Variants in SCN2A observed in about 807,000 individuals in gnomAD.
SCN2A encodes the protein sodium voltage-gated channel alpha subunit 2.
Under a neutral mutation model 188.7 loss-of-function variants are expected in SCN2A, and 20 were observed. The ratio of observed to expected loss-of-function variants is 0.11; its 90% CI spans 0.07 to 0.15. The LOEUF (loss-of-function observed/expected upper bound fraction) is 0.15. Ranked by LOEUF, SCN2A falls within the 10% of genes least tolerant of loss-of-function variation. The probability of loss-of-function intolerance (pLI) is 1.00; values close to 1 mark genes in which losing one functional copy is unlikely to be tolerated. For missense variants in SCN2A, 1,278 were observed against 2,445.0 expected, an observed-to-expected ratio of 0.52 and a Z score of 10.07; for synonymous variants, 804 against 833.1, an observed-to-expected ratio of 0.97 and a Z score of 0.60.
At chr2:165,358,565 A>C (rs1700294570) in intron 17 of SCN2A, among the ~76,000 whole-genome samples, 1 of 152,120 alleles carries the variant, frequency 6.6e-6, no homozygotes, top group Non-Finnish European at 1.5e-5. Flanking sequence ...CTGAAAGAAA[A>C]GGAAATCATG....
intron 14 of SCN2A, among the ~76,000 whole-genome samples, chr2:165,340,690 A>C (rs1699264147): frequency 6.6e-6 from 1 of 152,212 alleles, no homozygotes; most frequent in African/African-American, 2.4e-5. Context: ...CTAGACAGAG[A>C]GAGTTCTGAA....
intron 3 of SCN2A, among the ~76,000 whole-genome samples, chr2:165,307,276 G>A (rs1014251228): frequency 3.9e-5 from 6 of 152,018 alleles, no homozygotes; most frequent in African/African-American, 1.4e-4. Context: ...GAGATTCAGG[G>A]AACTTAATAA....
intron 17 of SCN2A, among the ~76,000 whole-genome samples, chr2:165,359,418 G>T (rs147036112): frequency 1.3e-5 from 2 of 152,094 alleles, no homozygotes; most frequent in African/African-American, 4.8e-5. Flanking sequence ...GATACTTGAG[G>T]CATATTATCC....
At chr2:165,369,786 A>C (rs1700930585) in intron 19 of SCN2A, among the ~76,000 whole-genome samples, 1 of 152,158 alleles carries the variant, frequency 6.6e-6, no homozygotes, top group Admixed American at 6.5e-5. Context: ...TAGAGGATGC[A>C]TTCCATTGAG....
intron 1 of SCN2A, chr2:165,267,199 A>G (rs1223839260): frequency 6.6e-6 from 1 of 152,036 alleles, no homozygotes; most frequent in Non-Finnish European, 1.5e-5. Context: ...AAGCAATCTT[A>G]AGTAAAAATA....
At chr2:165,274,931 G>A (rs1336019542) in intron 1 of SCN2A, among the ~76,000 whole-genome samples, 1 of 152,074 alleles carries the variant, frequency 6.6e-6, no homozygotes, top group Non-Finnish European at 1.5e-5. Flanking sequence ...CTTTATTTCT[G>A]GTATGATTGT....
chr2:165,262,153 T>C (rs1694620881), intron 1 of SCN2A, among the ~76,000 whole-genome samples: 1 of 151,654 alleles, frequency 6.6e-6, no homozygotes, highest in African/African-American at 2.4e-5. Context: ...GGGGCACATG[T>C]GCAGAATGTG....
At chr2:165,302,481 T>C (rs1289448611) in intron 3 of SCN2A, among the ~76,000 whole-genome samples, 1 of 152,208 alleles carries the variant, frequency 6.6e-6, no homozygotes, top group African/African-American at 2.4e-5. Context: ...TTATACATTA[T>C]TACAAAGTCT....
At chr2:165,303,191 CT>C (rs1199301666) in intron 3 of SCN2A, among the ~76,000 whole-genome samples, 1 of 149,552 alleles carries the variant, frequency 6.7e-6, no homozygotes, top group Non-Finnish European at 1.5e-5. Context: ...GGTTTCTATA[CT>C]TTTTTGATGC....
intron 11 of SCN2A, among the ~76,000 whole-genome samples, chr2:165,319,908 T>G (rs1344726607): frequency 6.6e-6 from 1 of 152,170 alleles, no homozygotes; most frequent in African/African-American, 2.4e-5. Flanking sequence ...CCAAATCTCA[T>G]GTCCTCACAT....
chr2:165,368,517 T>G (rs1445270945), intron 19 of SCN2A, among the ~76,000 whole-genome samples: 1 of 152,160 alleles, frequency 6.6e-6, no homozygotes, highest in Non-Finnish European at 1.5e-5. Flanking sequence ...TTGCTTAACA[T>G]AAACTCCATG....
In SCN2A at chr2:165,354,569, T is replaced by C. The variant is rs1383496672; in HGVS notation, c.3297T>C (p.Pro1099=). The part of the protein sequence containing the change: ...ESDYMSFINN[P]SLTVTVPIAV... ...ATTACATGTCATTTATAAACAACCC[T>C]AGCCTCACTGTGACAGTACCAATTG... The change falls in exon 17 of 27, where the codon CCT becomes CCC. Residue 1099 remains proline, a synonymous_variant. Coordinates refer to ENST00000375437, the MANE Select transcript of SCN2A (RefSeq NM_001040142.2). 1 of 1,614,060 alleles carries C rather than the reference T, an allele frequency of 6.2e-7. No homozygotes were observed. Among genetic ancestry groups the C allele is most frequent in the Admixed American group, 1.7e-5 (1 of 60,006 alleles).
chr2:165,291,144 C>T (rs1438258020), intron 1 of SCN2A, among the ~76,000 whole-genome samples: 2 of 142,128 alleles, frequency 1.4e-5, no homozygotes, highest in East Asian at 2.2e-4. Context: ...TGGGTTCAAG[C>T]GATTCTCCTG....
chr2:165,388,103 A>G (rs1176877358), intron 26 of SCN2A, among the ~76,000 whole-genome samples: 1 of 152,144 alleles, frequency 6.6e-6, no homozygotes, highest in Non-Finnish European at 1.5e-5. Context: ...AAAAGTTGAT[A>G]TTATCACCAT....
chr2:165,282,188 G>C (rs564549391), intron 1 of SCN2A, among the ~76,000 whole-genome samples: 56 of 152,322 alleles, frequency 3.7e-4, no homozygotes, highest in African/African-American at 1.3e-3. Context: ...GAGAGACTCA[G>C]TGGGAGAGAG....
chr2:165,294,040 A>AAATT (rs780674346), intron 1 of SCN2A: 97 of 630,136 alleles, frequency 1.5e-4, no homozygotes, highest in Admixed American at 7.4e-4. Flanking sequence ...AAAAAAAAAG[A>AAATT]TTTTTTTTTT....
intron 1 of SCN2A, among the ~76,000 whole-genome samples, chr2:165,292,603 C>A (rs1696274101): frequency 2.0e-5 from 3 of 152,086 alleles, no homozygotes; most frequent in Admixed American, 1.3e-4. Context: ...TTTTGCCCAA[C>A]AAATACATTT....
At chr2:165,335,883 T>G (rs1393234755) in intron 14 of SCN2A, among the ~76,000 whole-genome samples, 3 of 151,858 alleles carry the variant, frequency 2.0e-5, no homozygotes, top group African/African-American at 7.2e-5. Flanking sequence ...TGTAAAGGAT[T>G]ATTATAACTC....
chr2:165,323,888 A>G (rs1179485640), intron 12 of SCN2A, among the ~76,000 whole-genome samples: 1 of 152,340 alleles, frequency 6.6e-6, no homozygotes, highest in Admixed American at 6.5e-5. Context: ...TTAAAAGGAG[A>G]TTTGAATACT....
Sources: allele counts gnomAD v4.1 joint callset (sites outside exome capture counted in the v4.1 genomes callset), GRCh38; gene constraint gnomAD v4.1.1; transcripts MANE v1.5; gene names NCBI Gene and HGNC (gene_info 2026-07-23, HGNC 2026-07-21).